NKAIN3: variants seen among roughly 807,000 people sequenced by gnomAD.
NKAIN3 encodes sodium/potassium-transporting ATPase subunit beta-1-interacting protein 3.
A neutral mutation model predicts 30.2 loss-of-function variants in NKAIN3; 25 were observed. That is an observed-to-expected ratio of 0.83 (90% confidence interval 0.60 to 1.16). The LOEUF is 1.16. Ranked by LOEUF, NKAIN3 falls within the 50% of genes most tolerant of loss-of-function variation. NKAIN3 has a pLI of 0.00. For synonymous variants in NKAIN3, 91 were observed against 89.6 expected (o/e 1.02, Z -0.09); for missense variants, 225 against 254.1 (o/e 0.89, Z 0.78).
At chr8:62,898,497 G>C (rs1271660092) in intron 4 of NKAIN3, among the ~76,000 whole-genome samples, 1 of 152,136 alleles carries the variant, frequency 6.6e-6, no homozygotes, top group Non-Finnish European at 1.5e-5. Context: ...TTATAAGTGG[G>C]AGCTAAGCTA....
chr8:62,335,769 C>T (rs752330781), intron 1 of NKAIN3, among the ~76,000 whole-genome samples: 10 of 152,004 alleles, frequency 6.6e-5, no homozygotes, highest in South Asian at 2.1e-4. Flanking sequence ...CCTGGCTCTC[C>T]GTTTCTCTCT....
intron 1 of NKAIN3, among the ~76,000 whole-genome samples, chr8:62,509,334 G>T (rs953959526): frequency 6.6e-6 from 1 of 151,874 alleles, no homozygotes; most frequent in Admixed American, 6.6e-5. Context: ...TTGACCACCC[G>T]CCACACCCTT....
intron 3 of NKAIN3, among the ~76,000 whole-genome samples, chr8:62,735,326 G>A (rs1035086896): frequency 1.3e-5 from 2 of 149,126 alleles, no homozygotes; most frequent in African/African-American, 2.4e-5. Flanking sequence ...GTCTTCGCTG[G>A]ATTGGGTTAA....
At position 62,488,718 on chromosome 8, in the gene NKAIN3, A is replaced by G. The variant is rs536487386; in HGVS notation, c.55-90821A>G. Among the ~76,000 whole-genome samples the G allele has an allele frequency of 7.9e-5, 12 of 152,332 alleles. No individual in the cohort carries two copies. In the South Asian group the frequency reaches 2.5e-3, roughly 32 times the overall value. ...ATCAGTAGGAGATAACGACATCTGA[A>G]TAGGCTGCTACTAATAGAAAAATAA... On this transcript the variant is annotated intron_variant, in intron 1 of 6. Transcript: ENST00000623646.
intron 5 of NKAIN3, among the ~76,000 whole-genome samples, chr8:62,933,950 G>A (rs1044983539): frequency 6.6e-6 from 1 of 152,176 alleles, no homozygotes; most frequent in African/African-American, 2.4e-5. Flanking sequence ...GGCCAAGGCA[G>A]TCACTCCATC....
chr8:62,345,740 C>G (rs1399520552), intron 1 of NKAIN3, among the ~76,000 whole-genome samples: 1 of 151,380 alleles, frequency 6.6e-6, no homozygotes, highest in Non-Finnish European at 1.5e-5. Context: ...TCTTTCTTTC[C>G]AAATGGGGAT....
At chr8:62,521,255 G>T (rs866818264) in intron 1 of NKAIN3, among the ~76,000 whole-genome samples, 14 of 151,908 alleles carry the variant, frequency 9.2e-5, no homozygotes, top group Middle Eastern at 3.2e-3. Flanking sequence ...AAAACCCATG[G>T]GTAGAAAGGC....
chr8:62,947,578 T>G (rs955313864), intron 5 of NKAIN3, among the ~76,000 whole-genome samples: 6 of 152,240 alleles, frequency 3.9e-5, no homozygotes, highest in Non-Finnish European at 5.9e-5. Flanking sequence ...TTCTTGCCTC[T>G]TAAGCCCAGG....
At chr8:62,858,898 C>T (rs1251545823) in intron 4 of NKAIN3, among the ~76,000 whole-genome samples, 1 of 152,196 alleles carries the variant, frequency 6.6e-6, no homozygotes. Context: ...TTGGGTTCAG[C>T]CCCCTTCCTA....
At chr8:62,595,642 G>A (rs1041456860) in intron 3 of NKAIN3, among the ~76,000 whole-genome samples, 9 of 151,986 alleles carry the variant, frequency 5.9e-5, no homozygotes, top group African/African-American at 1.2e-4. Flanking sequence ...TGCAAGCCCC[G>A]TTTTTAAAGG....
intron 1 of NKAIN3, among the ~76,000 whole-genome samples, chr8:62,529,205 C>T (rs181382937): frequency 3.9e-3 from 598 of 151,908 alleles, no homozygotes; most frequent in African/African-American, 0.013. Flanking sequence ...GGATGCAAGG[C>T]GTAGTGGCAT....
At chr8:62,312,193 T>C (rs1814464297) in intron 1 of NKAIN3, among the ~76,000 whole-genome samples, 1 of 150,558 alleles carries the variant, frequency 6.6e-6, no homozygotes, top group Non-Finnish European at 1.5e-5. Context: ...TTGAAATAGA[T>C]GATATTGATT....
At chr8:62,273,140 G>C (rs2129393477) in intron 1 of NKAIN3, among the ~76,000 whole-genome samples, 1 of 152,242 alleles carries the variant, frequency 6.6e-6, no homozygotes, top group African/African-American at 2.4e-5. Flanking sequence ...GCCATAGTTT[G>C]CTGATCTTTG....
At chr8:62,395,255 G>T (rs202051904) in intron 1 of NKAIN3, among the ~76,000 whole-genome samples, 2 of 147,532 alleles carry the variant, frequency 1.4e-5, no homozygotes, top group African/African-American at 5.0e-5. Context: ...AGGCAGAGGC[G>T]CTCCTCACTT....
intron 3 of NKAIN3, among the ~76,000 whole-genome samples, chr8:62,665,271 T>C (rs1260381236): frequency 6.6e-6 from 1 of 152,194 alleles, no homozygotes; most frequent in Non-Finnish European, 1.5e-5. Context: ...TTGGTCAAAT[T>C]TCCCTTCTAT....
intron 1 of NKAIN3, among the ~76,000 whole-genome samples, chr8:62,377,285 AC>A (rs1817119081): frequency 6.6e-6 from 1 of 152,202 alleles, no homozygotes; most frequent in Non-Finnish European, 1.5e-5. Context: ...ATATACATAA[AC>A]ACAGCTTTTT....
chr8:62,605,760 T>G (rs1811105818), intron 3 of NKAIN3, among the ~76,000 whole-genome samples: 1 of 152,132 alleles, frequency 6.6e-6, no homozygotes, highest in Non-Finnish European at 1.5e-5. Flanking sequence ...AAATACTATA[T>G]TATTTTATTT....
chr8:62,688,771 C>A (rs950442383), intron 3 of NKAIN3, among the ~76,000 whole-genome samples: 4 of 151,076 alleles, frequency 2.6e-5, no homozygotes, highest in Non-Finnish European at 5.9e-5. Context: ...CACACACACA[C>A]AAAACCATAA....
intron 1 of NKAIN3, among the ~76,000 whole-genome samples, chr8:62,354,391 C>T (rs1026993353): frequency 3.3e-5 from 5 of 152,158 alleles, no homozygotes; most frequent in Non-Finnish European, 7.4e-5. Context: ...TTCATGAATG[C>T]TGGTAGAAAA....
Sources: gnomAD v4.1 joint callset for allele counts (sites outside exome capture counted in the v4.1 genomes callset) on GRCh38, gnomAD v4.1.1 for gene constraint, MANE v1.5 for transcripts, NCBI Gene and HGNC (gene_info 2026-07-23, HGNC 2026-07-21) for gene names.